Variants in PCLO observed in about 807,000 individuals in gnomAD.
The protein encoded by PCLO is protein piccolo.
In PCLO, 82 loss-of-function variants were observed where a neutral mutation model predicts 427.5. The ratio of observed to expected loss-of-function variants is 0.19; its 90% CI spans 0.16 to 0.23. The LOEUF is 0.23. Among genes scored for constraint, PCLO ranks in the 10% least tolerant of loss-of-function variants. The pLI is 1.00. For synonymous variants in PCLO, 2,357 were observed against 2,155.4 expected, an observed-to-expected ratio of 1.09 and a Z score of -2.59; for missense variants, 6,239 against 6,115.9, an observed-to-expected ratio of 1.02 and a Z score of -0.67.
At chr7:82,796,825 A>C (rs1389943127) in intron 22 of PCLO, among the ~76,000 whole-genome samples, 1 of 147,860 alleles carries the variant, frequency 6.8e-6, no homozygotes, top group African/African-American at 2.5e-5. Context: ...CTAGATGGAC[A>C]GTATGCTCCC....
At chr7:82,854,934 C>T (rs1312016193) in intron 10 of PCLO, among the ~76,000 whole-genome samples, 1 of 152,066 alleles carries the variant, frequency 6.6e-6, no homozygotes, top group African/African-American at 2.4e-5. Context: ...AACTTTTCAT[C>T]ACATTTTGAA....
chr7:82,874,286 G>A (rs1793315965), intron 10 of PCLO, among the ~76,000 whole-genome samples: 1 of 151,924 alleles, frequency 6.6e-6, no homozygotes, highest in Non-Finnish European at 1.5e-5. Flanking sequence ...GTACACAATA[G>A]ATGTGTGCAC....
chr7:82,757,670 G>C lies in PCLO; in HGVS notation c.*905C>G, dbSNP rs1386423316. ...TTATTTGCAGTTTCACAAAGAGTAA[G>C]TTATCATGCTTCCTAGAACATATCA... On this transcript the variant is annotated 3_prime_UTR_variant, in exon 25 of 25. Transcript: ENST00000333891. 1.3e-5 allele frequency: 2 copies of C among 151,914 alleles called. No homozygotes were observed. The highest frequency in any genetic ancestry group is 4.8e-5 in the African/African-American group (2 of 41,400). 9.4% of individuals were successfully genotyped at this position (151,914 alleles called of 1,614,324 possible).
At chr7:83,052,993 T>G (rs1171955318) in intron 3 of PCLO, among the ~76,000 whole-genome samples, 1 of 151,960 alleles carries the variant, frequency 6.6e-6, no homozygotes, top group Non-Finnish European at 1.5e-5. Context: ...CCAAATAATA[T>G]CCTACTTATA....
At chr7:83,064,873 C>A (rs546628934) in intron 3 of PCLO, among the ~76,000 whole-genome samples, 1 of 151,830 alleles carries the variant, frequency 6.6e-6, no homozygotes, top group Admixed American at 6.6e-5. Context: ...AATAATACTC[C>A]CTTTAATAGT....
chr7:82,800,771 T>C (rs1357477774), intron 22 of PCLO, among the ~76,000 whole-genome samples: 2 of 151,974 alleles, frequency 1.3e-5, no homozygotes, highest in Non-Finnish European at 2.9e-5. Context: ...AATTTTTGTA[T>C]TTTTAGTAGA....
At chr7:82,813,181 C>T (rs983720917) in intron 20 of PCLO, among the ~76,000 whole-genome samples, 2 of 151,520 alleles carry the variant, frequency 1.3e-5, no homozygotes, top group African/African-American at 2.4e-5. Context: ...TCAATGGCCA[C>T]GAAGTAAAGA....
chr7:82,914,510 G>C, intron 7 of PCLO, 176 bp downstream of exon 7: 1 of 680,210 alleles, frequency 1.5e-6, no homozygotes, highest in Non-Finnish European at 2.6e-6. Context: ...AGAAAAGCAT[G>C]CTACAGAATC....
At chr7:82,898,100 C>T (rs78155793) in intron 9 of PCLO, among the ~76,000 whole-genome samples, 3,123 of 151,456 alleles carry the variant, frequency 0.021, 116 homozygotes, top group African/African-American at 0.071. Context: ...TTTTGTAAAT[C>T]GGCTTAATTT....
chr7:83,048,973 A>T (rs1789168812), intron 3 of PCLO, among the ~76,000 whole-genome samples: 1 of 152,132 alleles, frequency 6.6e-6, no homozygotes, highest in African/African-American at 2.4e-5. Context: ...TAACCTACAC[A>T]TAGAAGTTAT....
intron 6 of PCLO, among the ~76,000 whole-genome samples, chr7:82,924,026 T>C: frequency 6.6e-6 from 1 of 152,090 alleles, no homozygotes; most frequent in Non-Finnish European, 1.5e-5. Flanking sequence ...AAGACACTCA[T>C]GCACGTGATA....
chr7:83,140,704 G>A (rs967539132), intron 2 of PCLO, among the ~76,000 whole-genome samples: 3 of 152,136 alleles, frequency 2.0e-5, no homozygotes, highest in African/African-American at 7.2e-5. Context: ...ACCCTACTTT[G>A]TACCTTAGGC....
chr7:82,894,956 A>G (rs1793865447), intron 9 of PCLO, among the ~76,000 whole-genome samples: 1 of 152,108 alleles, frequency 6.6e-6, no homozygotes, highest in Non-Finnish European at 1.5e-5. Context: ...AAAGAAGGTT[A>G]CACAGATGTG....
chr7:82,856,046 T>A (rs1792796779), intron 10 of PCLO, among the ~76,000 whole-genome samples: 1 of 152,114 alleles, frequency 6.6e-6, no homozygotes, highest in South Asian at 2.1e-4. Context: ...CTACTCATTA[T>A]CAGGAAAGTG....
chr7:83,080,575 G>C (rs149352448), intron 3 of PCLO, among the ~76,000 whole-genome samples: 1 of 151,910 alleles, frequency 6.6e-6, no homozygotes, highest in African/African-American at 2.4e-5. Context: ...GTCCATTTCC[G>C]TATGTCATTT....
Position 83,024,142 on chromosome 7 carries a change from C to G in PCLO, c.3301-57655G>C, listed in dbSNP as rs1256193561. On this transcript the variant is annotated intron_variant, in intron 3 of 24. Coordinates refer to ENST00000333891, the MANE Select transcript of PCLO (RefSeq NM_033026.6). ...AGGAACAGCTCCGGTCTACAGCTCC[C>G]AGCGTGAGCGACGCAGAAGACGGGT... 5.9e-5 allele frequency among the ~76,000 whole-genome samples: 9 copies of G among 152,324 alleles called. No homozygotes were observed. The East Asian group carries it at 1.7e-3, about 30-fold the overall frequency.
chr7:83,094,879 A>G (rs1213629298), intron 3 of PCLO, among the ~76,000 whole-genome samples: 1 of 152,092 alleles, frequency 6.6e-6, no homozygotes, highest in Non-Finnish European at 1.5e-5. Flanking sequence ...ATATTTCTAA[A>G]TGATTTTTGT....
chr7:82,869,530 G>A lies in PCLO; in HGVS notation c.13654+9807C>T, dbSNP rs149398365. Among the ~76,000 whole-genome samples the A allele has an allele frequency of 1.6e-3, 243 of 152,104 alleles. 1 individual carries two copies. Among genetic ancestry groups the A allele is most frequent in the Non-Finnish European group, 2.9e-3 (199 of 67,942 alleles). On this transcript the variant is annotated intron_variant, in intron 10 of 24. Coordinates refer to ENST00000333891, the MANE Select transcript of PCLO (RefSeq NM_033026.6). ...AAACCAAAGGGTCAAGAATTGTTCC[G>A]AGAGCATCCTGACAAACGGCTCTAG...
intron 1 of PCLO, among the ~76,000 whole-genome samples, chr7:83,161,049 A>G (rs1792423799): frequency 2.6e-5 from 4 of 152,188 alleles, no homozygotes; most frequent in Admixed American, 2.6e-4. Context: ...ACAGAAAAAC[A>G]TATTTAACAT....
Sources: gnomAD v4.1 joint callset for allele counts (sites outside exome capture counted in the v4.1 genomes callset) on GRCh38, gnomAD v4.1.1 for gene constraint, MANE v1.5 for transcripts, NCBI Gene and HGNC (gene_info 2026-07-23, HGNC 2026-07-21) for gene names.